The following THRAP3 variants were observed in gnomAD, a reference collection of about 807,000 sequenced individuals.
The protein encoded by THRAP3 is thyroid hormone receptor-associated protein 3.
THRAP3 carries 16 observed loss-of-function variants against 101.0 expected under a neutral mutation model. The ratio of observed to expected loss-of-function variants is 0.16; its 90% CI spans 0.11 to 0.24. The LOEUF is 0.24. Ranked by LOEUF, THRAP3 falls within the 10% of genes least tolerant of loss-of-function variation. The probability of loss-of-function intolerance (pLI) is 1.00; values close to 1 mark genes in which losing one functional copy is unlikely to be tolerated. For synonymous variants in THRAP3, 407 were observed against 422.6 expected (o/e 0.96, Z 0.45); for missense variants, 989 against 1,202.7 (o/e 0.82, Z 2.63).
At chr1:36,229,873 A>G (rs936594375) in intron 1 of THRAP3, among the ~76,000 whole-genome samples, 15 of 151,460 alleles carry the variant, frequency 9.9e-5, no homozygotes, top group African/African-American at 3.4e-4. Context: ...GCTGGTCTCA[A>G]ACTTCTGACC....
chr1:36,269,797 C>T (rs570829477), intron 2 of THRAP3, among the ~76,000 whole-genome samples: 2 of 151,894 alleles, frequency 1.3e-5, no homozygotes, highest in South Asian at 2.1e-4. Context: ...CAGGCTGATT[C>T]GACATCCTGG....
At chr1:36,273,509 A>G (rs1645616173) in intron 2 of THRAP3, among the ~76,000 whole-genome samples, 1 of 152,236 alleles carries the variant, frequency 6.6e-6, no homozygotes, top group South Asian at 2.1e-4. Flanking sequence ...CCTTAAGATG[A>G]AGAACAAGAC....
chr1:36,276,586 G>A (rs1645663953), intron 2 of THRAP3, among the ~76,000 whole-genome samples: 1 of 151,124 alleles, frequency 6.6e-6, no homozygotes. Flanking sequence ...GCTGGGCATG[G>A]AGGCTCATGC....
At chr1:36,250,214 C>CT (rs55959529) in intron 1 of THRAP3, among the ~76,000 whole-genome samples, 2,010 of 140,522 alleles carry the variant, frequency 0.014, 34 homozygotes, top group African/African-American at 0.044. Flanking sequence ...ATTAGGCATA[C>CT]TTTTTTTTTT....
chr1:36,237,599 C>T (rs1237372914), intron 1 of THRAP3, among the ~76,000 whole-genome samples: 2 of 151,888 alleles, frequency 1.3e-5, no homozygotes, highest in Non-Finnish European at 2.9e-5. Context: ...GGTGAAACCC[C>T]CTCTCTACTA....
At chr1:36,266,080 G>A (rs978522439) in intron 2 of THRAP3, among the ~76,000 whole-genome samples, 1 of 151,624 alleles carries the variant, frequency 6.6e-6, no homozygotes, top group African/African-American at 2.4e-5. Flanking sequence ...CTTGAACCTG[G>A]GAGATGGAGG....
intron 1 of THRAP3, among the ~76,000 whole-genome samples, chr1:36,241,414 TATATATATATATATACAC>T (rs1645158268): frequency 5.7e-5 from 3 of 52,256 alleles, no homozygotes; most frequent in Admixed American, 2.2e-4. Flanking sequence ...TATATATATA[TATATATATATATATACAC>T]ATATATAAAT....
intron 4 of THRAP3, chr1:36,287,831 G>A (rs1447454086): frequency 1.0e-6 from 1 of 985,288 alleles, no homozygotes; most frequent in Non-Finnish European, 1.2e-6. Context: ...TGTTAGGAGA[G>A]GACATGACAG....
At chr1:36,296,100 A>G (rs541125706) in intron 8 of THRAP3, among the ~76,000 whole-genome samples, 42 of 150,580 alleles carry the variant, frequency 2.8e-4, no homozygotes, top group African/African-American at 1.0e-3. Context: ...TAGCCTCCCT[A>G]GTAGCTGGGA....
chr1:36,304,600 A>G lies in THRAP3; in HGVS notation c.*583A>G. 1 of 224,064 alleles carries G rather than the reference A, an allele frequency of 4.5e-6. No individual in the cohort carries two copies. The allele number at this position is 224,064 out of a possible 1,614,324, so 13.9% of individuals were successfully genotyped here. On this transcript the variant is annotated 3_prime_UTR_variant, in exon 12 of 12. Transcript: ENST00000354618. ...GGGACCAAACTGCTTGGATCTTTGT[A>G]AAAACCGGTTTTGTATGTCAAGGAG...
intron 3 of THRAP3, among the ~76,000 whole-genome samples, chr1:36,285,194 G>A (rs1367765746): frequency 2.0e-5 from 3 of 152,160 alleles, no homozygotes; most frequent in Non-Finnish European, 1.5e-5. Context: ...TCTGTTCCCA[G>A]TCAGATATGA....
At chr1:36,246,656 CATG>C (rs1209040381) in intron 1 of THRAP3, among the ~76,000 whole-genome samples, 1 of 151,976 alleles carries the variant, frequency 6.6e-6, no homozygotes, top group Non-Finnish European at 1.5e-5. Flanking sequence ...TCCTGGCTAA[CATG>C]GTGAAACCCT....
chr1:36,228,499 G>A (rs1428694458), intron 1 of THRAP3, among the ~76,000 whole-genome samples: 2 of 152,238 alleles, frequency 1.3e-5, no homozygotes, highest in Non-Finnish European at 2.9e-5. Flanking sequence ...CGGGAAAGGT[G>A]TGAGCCAGCG....
intron 11 of THRAP3, among the ~76,000 whole-genome samples, chr1:36,301,934 T>C (rs559603243): frequency 3.9e-5 from 6 of 152,320 alleles, no homozygotes; most frequent in African/African-American, 7.2e-5. Context: ...GCAAGAAGCA[T>C]TGGTCTTGTC....
chr1:36,230,194 C>T (rs1645012247), intron 1 of THRAP3, among the ~76,000 whole-genome samples: 1 of 151,666 alleles, frequency 6.6e-6, no homozygotes, highest in Admixed American at 6.6e-5. Flanking sequence ...TCTCAGCTGA[C>T]CGCAACTTCC....
Position 36,304,812 on chromosome 1 carries a change from A to G in THRAP3, c.*795A>G, listed in dbSNP as rs773392975. On this transcript the variant is annotated 3_prime_UTR_variant, in exon 12 of 12. Transcript: ENST00000354618. ...ACTTTCTAGTCCTGCTGATCCTCCCAGCAACGGGGTGGAAACTGGAGGGCA... is the reference window on the plus strand; with the variant it reads ...ACTTTCTAGTCCTGCTGATCCTCCCGGCAACGGGGTGGAAACTGGAGGGCA... 3.3e-5 allele frequency: 7 copies of G among 209,432 alleles called. No homozygotes were observed. The highest frequency in any genetic ancestry group is 6.8e-5 in the Non-Finnish European group (7 of 102,918). 13.0% of individuals were successfully genotyped at this position (209,432 alleles called of 1,614,324 possible). A position where few individuals can be genotyped will look rare whatever the true frequency, so the allele number is the denominator to read the frequency against.
At chr1:36,258,749 G>A (rs1230742827) in intron 1 of THRAP3, among the ~76,000 whole-genome samples, 1 of 152,246 alleles carries the variant, frequency 6.6e-6, no homozygotes, top group Non-Finnish European at 1.5e-5. Context: ...AAAGTGCTGG[G>A]ATTATAGGCG....
intron 2 of THRAP3, among the ~76,000 whole-genome samples, chr1:36,265,891 C>A (rs1037080339): frequency 9.9e-5 from 15 of 152,030 alleles, no homozygotes; most frequent in African/African-American, 3.4e-4. Context: ...TGGTGGCTCA[C>A]ACCTGTAATC....
intron 1 of THRAP3, among the ~76,000 whole-genome samples, chr1:36,240,942 C>T (rs1645147464): frequency 6.6e-6 from 1 of 152,154 alleles, no homozygotes; most frequent in African/African-American, 2.4e-5. Flanking sequence ...CGCAGTGGCT[C>T]ACGCCTGTAA....
Sources: gnomAD v4.1 joint callset for allele counts (sites outside exome capture counted in the v4.1 genomes callset) on GRCh38, gnomAD v4.1.1 for gene constraint, MANE v1.5 for transcripts, NCBI Gene and HGNC (gene_info 2026-07-23, HGNC 2026-07-21) for gene names.